Variants in NRXN1 observed in about 807,000 individuals in gnomAD.
NRXN1 encodes neurexin 1, also known as neurexin-1.
In NRXN1, 39 loss-of-function variants were observed where a neutral mutation model predicts 150.9. That is an observed-to-expected ratio of 0.26 (90% CI 0.20 to 0.34). The LOEUF is 0.34. Among genes scored for constraint, NRXN1 ranks in the 10% least tolerant of loss-of-function variants. The pLI is 1.00. For missense variants in NRXN1, 1,815 were observed against 1,949.9 expected (o/e 0.93, Z 1.30); for synonymous variants, 924 against 757.0 (o/e 1.22, Z -3.62).
chr2:50,778,104 C>G (rs1039020500), intron 5 of NRXN1, among the ~76,000 whole-genome samples: 1 of 152,072 alleles, frequency 6.6e-6, no homozygotes, highest in Non-Finnish European at 1.5e-5. Context: ...TTCAGAGATA[C>G]AGTCAGTTAC....
At chr2:51,018,235 T>C (rs1669047321) in intron 2 of NRXN1, among the ~76,000 whole-genome samples, 1 of 152,108 alleles carries the variant, frequency 6.6e-6, no homozygotes, top group Non-Finnish European at 1.5e-5. Context: ...GTGAAGCAAC[T>C]GTTCGTCTTG....
At chr2:50,010,788 C>A (rs542281558) in intron 21 of NRXN1, among the ~76,000 whole-genome samples, 1 of 152,258 alleles carries the variant, frequency 6.6e-6, no homozygotes, top group South Asian at 2.1e-4. Flanking sequence ...AGAAGCACAA[C>A]ATAAAGTCAC....
chr2:50,123,253 GT>G (rs897564832), intron 18 of NRXN1, among the ~76,000 whole-genome samples: 1 of 152,158 alleles, frequency 6.6e-6, no homozygotes, highest in Admixed American at 6.5e-5. Context: ...AAGTGAGCAG[GT>G]GGCACTGAAA....
At chr2:50,542,575 T>G in intron 9 of NRXN1, among the ~76,000 whole-genome samples, 1 of 152,184 alleles carries the variant, frequency 6.6e-6, no homozygotes, top group East Asian at 1.9e-4. Context: ...TTTTAGAAAA[T>G]CTTTGTAAAA....
At chr2:50,344,143 T>C (rs1191522540) in intron 17 of NRXN1, among the ~76,000 whole-genome samples, 2 of 152,110 alleles carry the variant, frequency 1.3e-5, no homozygotes, top group African/African-American at 4.8e-5. Context: ...ACCTCTTTCT[T>C]ATTAGGTTTC....
chr2:50,572,240 G>A (rs1183261324), intron 8 of NRXN1, among the ~76,000 whole-genome samples: 1 of 152,128 alleles, frequency 6.6e-6, no homozygotes, highest in Non-Finnish European at 1.5e-5. Context: ...AACCAGCCAG[G>A]TCATTTTCTA....
chr2:50,507,633 C>A (rs1356651941), intron 12 of NRXN1, among the ~76,000 whole-genome samples: 1 of 61,452 alleles, frequency 1.6e-5, no homozygotes, highest in African/African-American at 7.1e-5. Flanking sequence ...ATATCCGTCA[C>A]CTCAAAAAAA....
chr2:50,884,186 G>T (rs966936493), intron 5 of NRXN1, among the ~76,000 whole-genome samples: 5 of 151,638 alleles, frequency 3.3e-5, no homozygotes, highest in African/African-American at 1.2e-4. Flanking sequence ...AAAATTTACA[G>T]GAAAAACACT....
At chr2:50,813,864 T>C (rs1668561191) in intron 5 of NRXN1, among the ~76,000 whole-genome samples, 1 of 152,188 alleles carries the variant, frequency 6.6e-6, no homozygotes. Context: ...TTCTTTTCAG[T>C]GCTTCTTTTA....
At chr2:50,045,032 G>A (rs774405433) in intron 21 of NRXN1, among the ~76,000 whole-genome samples, 1 of 152,120 alleles carries the variant, frequency 6.6e-6, no homozygotes, top group African/African-American at 2.4e-5. Flanking sequence ...GTGATAACAA[G>A]AATACAGTGA....
intron 5 of NRXN1, among the ~76,000 whole-genome samples, chr2:50,744,888 C>T (rs1391700888): frequency 6.6e-6 from 1 of 152,098 alleles, no homozygotes; most frequent in African/African-American, 2.4e-5. Context: ...GTTATGGCAA[C>T]AAATGACCAC....
chr2:50,985,372 A>G (rs1697526942), intron 2 of NRXN1: 1 of 151,936 alleles, frequency 6.6e-6, no homozygotes, highest in Non-Finnish European at 1.5e-5. Flanking sequence ...AATAAAAATT[A>G]CCTATATTAG....
intron 5 of NRXN1, among the ~76,000 whole-genome samples, chr2:50,883,937 G>A (rs1488446008): frequency 6.6e-6 from 1 of 151,726 alleles, no homozygotes; most frequent in African/African-American, 2.4e-5. Flanking sequence ...AGCCAGGAAG[G>A]GAGCACCAGG....
intron 5 of NRXN1, among the ~76,000 whole-genome samples, chr2:50,725,319 T>A (rs755336346): frequency 5.9e-5 from 9 of 151,742 alleles, no homozygotes; most frequent in Non-Finnish European, 7.4e-5. Flanking sequence ...TTATAGTGTT[T>A]ATATGTGGAA....
At chr2:49,968,518 C>T (rs1032341399) in intron 21 of NRXN1, among the ~76,000 whole-genome samples, 2 of 151,954 alleles carry the variant, frequency 1.3e-5, no homozygotes, top group African/African-American at 2.4e-5. Context: ...TACTTGGGTC[C>T]TCTCTGGATA....
intron 15 of NRXN1, among the ~76,000 whole-genome samples, chr2:50,473,070 A>G (rs900710568): frequency 1.2e-4 from 18 of 151,814 alleles, no homozygotes; most frequent in Non-Finnish European, 2.1e-4. Context: ...TCTTGTATCT[A>G]AAGTCACTTC....
intron 17 of NRXN1, among the ~76,000 whole-genome samples, chr2:50,247,895 T>C (rs1476403170): frequency 6.6e-6 from 1 of 152,178 alleles, no homozygotes; most frequent in Admixed American, 6.6e-5. Flanking sequence ...TTAACATTTG[T>C]GGGAGCTAAG....
chr2:50,899,817 T>C (rs1025874293), intron 5 of NRXN1, among the ~76,000 whole-genome samples: 15 of 152,166 alleles, frequency 9.9e-5, no homozygotes, highest in African/African-American at 3.1e-4. Context: ...GTCAAATACA[T>C]GAACTGCAGT....
At chr2:50,178,488 C>T (rs1279719849) in intron 18 of NRXN1, among the ~76,000 whole-genome samples, 5 of 151,964 alleles carry the variant, frequency 3.3e-5, no homozygotes, top group Non-Finnish European at 7.4e-5. Flanking sequence ...AGACATACTG[C>T]CCACAAAACA....
Sources: allele counts gnomAD v4.1 joint callset (sites outside exome capture counted in the v4.1 genomes callset), GRCh38; gene constraint gnomAD v4.1.1; transcripts MANE v1.5; gene names NCBI Gene and HGNC (gene_info 2026-07-23, HGNC 2026-07-21).